Variants in KLHL20 observed in about 807,000 individuals in gnomAD.
The protein encoded by KLHL20 is kelch like family member 20, also known as kelch-like protein 20.
In KLHL20, 29 loss-of-function variants were observed where a neutral mutation model predicts 69.5. The ratio of observed to expected loss-of-function variants is 0.42; its 90% CI spans 0.31 to 0.57. The LOEUF (loss-of-function observed/expected upper bound fraction) is 0.57, where lower values mean the gene tolerates loss of function less well. Ranked by LOEUF, KLHL20 falls within the 20% of genes least tolerant of loss-of-function variation. The probability of loss-of-function intolerance (pLI) is 0.18; values close to 1 mark genes in which losing one functional copy is unlikely to be tolerated. For missense variants in KLHL20, 419 were observed against 776.0 expected (o/e 0.54, Z 5.47); for synonymous variants, 253 against 265.2 (o/e 0.95, Z 0.45).
chr1:173,720,969 T>TA lies in KLHL20; in HGVS notation c.23+4914dup, dbSNP rs962164585. 3.2e-3 allele frequency among the ~76,000 whole-genome samples: 468 copies of TA among 147,230 alleles called. 3 individuals carry two copies. The highest frequency in any genetic ancestry group is 2.2e-3 in the Non-Finnish European group (149 of 66,302). ...AGAAGAGAGATTTGGGCTAGAAATTTAAAAAAAAAAATGTGAGTCATCAAT... is the reference window on the plus strand; with the variant it reads ...AGAAGAGAGATTTGGGCTAGAAATTTAAAAAAAAAAAATGTGAGTCATCAAT... On this transcript the variant is annotated intron_variant, in intron 2 of 11. Coordinates refer to ENST00000209884, the MANE Select transcript of KLHL20 (RefSeq NM_014458.4).
At chr1:173,765,725 C>CA (rs1188802785) in intron 7 of KLHL20, among the ~76,000 whole-genome samples, 1 of 151,786 alleles carries the variant, frequency 6.6e-6, no homozygotes, top group Non-Finnish European at 1.5e-5. Flanking sequence ...AAATAGATCT[C>CA]AAAAAACGTT....
intron 3 of KLHL20, chr1:173,734,494 C>T (rs1379196663): frequency 8.7e-6 from 5 of 577,236 alleles, no homozygotes; most frequent in African/African-American, 5.6e-5. Context: ...GATTTATTCT[C>T]CCTAACTGTA....
rs531081379 is a variant in KLHL20 at position 173,770,700 on chromosome 1, GA to G, written c.1296-3594del. Among the ~76,000 whole-genome samples the G allele has an allele frequency of 2.2e-3, 292 of 131,380 alleles. 1 individual carries two copies. The highest frequency in any genetic ancestry group is 7.5e-3 in the African/African-American group (265 of 35,542). The allele number at this position is 131,380 out of a possible 152,430, so 86.2% of individuals were successfully genotyped here. On this transcript the variant is annotated intron_variant, in intron 8 of 11. Transcript: ENST00000209884. ...TCTCTCAAAAAAAAAAAAGAGAGAG[GA>G]AAAAAAAAAACAAGAGATACCATTT...
At chr1:173,718,643 G>T (rs1008461179) in intron 2 of KLHL20, among the ~76,000 whole-genome samples, 3 of 151,960 alleles carry the variant, frequency 2.0e-5, no homozygotes, top group Admixed American at 1.3e-4. Flanking sequence ...CAGGAGGATT[G>T]CTTGAGCCCA....
chr1:173,751,774 G>A lies in KLHL20; in HGVS notation c.608G>A (p.Ser203Asn). ...CCTAACTTTGAACAGGTAATGGAGA[G>A]TGAAGAGTTCATGTTGCTTCCAGCC... ...TQHNFQEVME[S>N]EEFMLLPANQ... Residue 203 changes from serine to asparagine, a missense_variant, in exon 4 of 12, where the codon AGT becomes AAT. By Grantham distance (46) the Ser-to-Asn change is conservative. Transcript: ENST00000209884. 6.2e-7 allele frequency: 1 copy of A among 1,613,992 alleles called. No homozygotes were observed.
chr1:173,741,796 A>G, intron 3 of KLHL20: 3 of 1,549,582 alleles, frequency 1.9e-6, no homozygotes, highest in Non-Finnish European at 1.8e-6. Flanking sequence ...CCAGGATGCT[A>G]TAAAATCACC....
chr1:173,766,911 T>C (rs1299479495), intron 8 of KLHL20, among the ~76,000 whole-genome samples: 1 of 152,190 alleles, frequency 6.6e-6, no homozygotes, highest in Non-Finnish European at 1.5e-5. Context: ...TTATGATTTA[T>C]TTGTGGTGAG....
At chr1:173,736,133 G>A (rs1672524195) in intron 3 of KLHL20, among the ~76,000 whole-genome samples, 1 of 151,874 alleles carries the variant, frequency 6.6e-6, no homozygotes, top group East Asian at 1.9e-4. Flanking sequence ...TTTTATTAGA[G>A]ATGGGGTTTC....
chr1:173,715,930 T>C lies in KLHL20; in HGVS notation c.-41-73T>C, dbSNP rs149107757. On this transcript the variant is annotated intron_variant, in intron 1 of 11. Coordinates refer to ENST00000209884, the MANE Select transcript of KLHL20 (RefSeq NM_014458.4). ...TTGATAACTGACGAAATGAGTGAAA[T>C]GATTATATAAAGATTGTTACTGTAA... 1.1e-3 allele frequency: 1,156 copies of C among 1,077,256 alleles called. 11 individuals carry two copies. The East Asian group carries it at 0.019, about 18-fold the overall frequency. 66.7% of individuals were successfully genotyped at this position (1,077,256 alleles called of 1,614,324 possible).
intron 11 of KLHL20, 107 bp downstream of exon 11, chr1:173,782,337 T>A: frequency 1.3e-6 from 1 of 741,124 alleles, no homozygotes; most frequent in Non-Finnish European, 2.3e-6. Context: ...ATTGGAGTAC[T>A]TTGAAGAGGG....
intron 8 of KLHL20, among the ~76,000 whole-genome samples, chr1:173,766,903 A>G (rs1457641915): frequency 6.6e-6 from 1 of 152,194 alleles, no homozygotes; most frequent in East Asian, 1.9e-4. Flanking sequence ...TCACATACTT[A>G]TGATTTATTT....
intron 11 of KLHL20, among the ~76,000 whole-genome samples, chr1:173,784,211 A>T (rs538135281): frequency 1.3e-5 from 2 of 152,154 alleles, no homozygotes; most frequent in Non-Finnish European, 2.9e-5. Flanking sequence ...GGGGCTAGGG[A>T]GTACAGGGAG....
chr1:173,753,405 G>T, intron 5 of KLHL20, 98 bp downstream of exon 5: 1 of 884,982 alleles, frequency 1.1e-6, no homozygotes. Flanking sequence ...GTATTTTGCA[G>T]AGCTGAAACC....
chr1:173,728,020 G>C (rs1327223850), intron 2 of KLHL20, among the ~76,000 whole-genome samples: 3 of 152,126 alleles, frequency 2.0e-5, no homozygotes, highest in Admixed American at 1.3e-4. Context: ...CACGTGCAGA[G>C]ACACACATAG....
intron 4 of KLHL20, among the ~76,000 whole-genome samples, chr1:173,752,317 G>A (rs539137087): frequency 5.9e-5 from 9 of 151,654 alleles, no homozygotes; most frequent in Admixed American, 1.3e-4. Context: ...CTCCACATTC[G>A]TCTGTAAGAA....
At chr1:173,716,956 G>A (rs568292498) in intron 2 of KLHL20, among the ~76,000 whole-genome samples, 1 of 152,228 alleles carries the variant, frequency 6.6e-6, no homozygotes, top group East Asian at 1.9e-4. Context: ...TACTTCTTTA[G>A]TGTATCTGAT....
intron 8 of KLHL20, among the ~76,000 whole-genome samples, chr1:173,770,469 G>A (rs888100030): frequency 2.0e-5 from 3 of 152,022 alleles, no homozygotes; most frequent in African/African-American, 7.2e-5. Context: ...AGGCCGAGGC[G>A]GGTGGAGCAT....
At chr1:173,734,410 GTTA>G in intron 3 of KLHL20, 124 bp downstream of exon 3, 1 of 846,896 alleles carries the variant, frequency 1.2e-6, no homozygotes, top group Non-Finnish European at 1.9e-6. Flanking sequence ...AAATAAATAA[GTTA>G]TTATAAATCC....
At position 173,716,139 on chromosome 1, in the gene KLHL20, AAG is replaced by A. The variant is rs544969262; in HGVS notation, c.23+76_23+77del. 671 of 1,440,410 alleles carry A rather than the reference AAG, an allele frequency of 4.7e-4. 4 individuals are homozygous for A. The highest frequency in any genetic ancestry group is 4.4e-3 in the South Asian group (377 of 85,128). The allele number at this position is 1,440,410 out of a possible 1,614,324, so 89.2% of individuals were successfully genotyped here. A position where few individuals can be genotyped will look rare whatever the true frequency, so the allele number is the denominator to read the frequency against. Reference sequence around the variant, plus strand: ...CATGTAATAATTTAAATTTTTAAAAAAGAGTTTCAATCTTACTAAATTCTGCT... The same window carrying A: ...CATGTAATAATTTAAATTTTTAAAAAAGTTTCAATCTTACTAAATTCTGCT... On this transcript the variant is annotated intron_variant, in intron 2 of 11. Coordinates refer to ENST00000209884, the MANE Select transcript of KLHL20 (RefSeq NM_014458.4).
Sources: gnomAD v4.1 joint callset for allele counts (sites outside exome capture counted in the v4.1 genomes callset) on GRCh38, gnomAD v4.1.1 for gene constraint, MANE v1.5 for transcripts, NCBI Gene and HGNC (gene_info 2026-07-23, HGNC 2026-07-21) for gene names.